Variants in HNF4G observed in about 807,000 individuals in gnomAD.
HNF4G encodes hepatocyte nuclear factor 4 gamma.
In HNF4G, 21 loss-of-function variants were observed where a neutral mutation model predicts 50.9. That is an observed-to-expected ratio of 0.41 (90% CI 0.29 to 0.59). The LOEUF (loss-of-function observed/expected upper bound fraction) is 0.59, where lower values mean the gene tolerates loss of function less well. HNF4G is among the 20% of genes least tolerant of loss of function. The probability of loss-of-function intolerance (pLI) is 0.26; values close to 1 mark genes in which losing one functional copy is unlikely to be tolerated. For synonymous variants in HNF4G, 198 were observed against 185.6 expected, an observed-to-expected ratio of 1.07 and a Z score of -0.54; for missense variants, 527 against 559.4, an observed-to-expected ratio of 0.94 and a Z score of 0.58.
intron 1 of HNF4G, among the ~76,000 whole-genome samples, chr8:75,462,772 C>T (rs1219925693): frequency 2.6e-5 from 4 of 152,050 alleles, no homozygotes; most frequent in Non-Finnish European, 5.9e-5. Context: ...TGTATAACAT[C>T]AGATAAATAT....
At chr8:75,539,273 G>A (rs1806546710), upstream of HNF4G, among the ~76,000 whole-genome samples, 1 of 152,116 alleles carries the variant, frequency 6.6e-6, no homozygotes, top group South Asian at 2.1e-4. Flanking sequence ...CTGCCCTTGG[G>A]AAGTTTATTA....
At chr8:75,544,196 TA>T (rs948015719) in intron 2 of HNF4G, among the ~76,000 whole-genome samples, 5 of 152,296 alleles carry the variant, frequency 3.3e-5, no homozygotes, top group African/African-American at 1.2e-4. Context: ...AGAAGGTATA[TA>T]AAAAATCCAC....
At chr8:75,505,687 C>CAAA (rs5892495) in intron 2 of HNF4G, among the ~76,000 whole-genome samples, 50 of 146,182 alleles carry the variant, frequency 3.4e-4, no homozygotes, top group East Asian at 4.0e-4. Context: ...GCAAGATTTC[C>CAAA]AAAAAAAAAA....
intron 2 of HNF4G, among the ~76,000 whole-genome samples, chr8:75,529,939 G>A (rs1341142365): frequency 6.6e-6 from 1 of 152,066 alleles, no homozygotes; most frequent in Non-Finnish European, 1.5e-5. Context: ...CTCAAGAAGA[G>A]GAGCTACCAA....
At chr8:75,412,596 A>T (rs997106440) in intron 1 of HNF4G, among the ~76,000 whole-genome samples, 4 of 152,216 alleles carry the variant, frequency 2.6e-5, no homozygotes, top group African/African-American at 9.7e-5. Context: ...AAAGTATGAT[A>T]ACACCTGGAT....
intron 1 of HNF4G, among the ~76,000 whole-genome samples, chr8:75,461,308 T>G (rs1811834719): frequency 6.6e-6 from 1 of 152,150 alleles, no homozygotes; most frequent in Non-Finnish European, 1.5e-5. Flanking sequence ...TCTTCCTCCA[T>G]TTTTTGGCTC....
chr8:75,497,943 A>G (rs1354889454), intron 2 of HNF4G, among the ~76,000 whole-genome samples: 1 of 152,182 alleles, frequency 6.6e-6, no homozygotes, highest in Admixed American at 6.5e-5. Context: ...ATATTAATAG[A>G]GACCCTACTG....
chr8:75,512,027 A>G (rs953104530), intron 2 of HNF4G, among the ~76,000 whole-genome samples: 5 of 152,174 alleles, frequency 3.3e-5, no homozygotes, highest in Non-Finnish European at 7.4e-5. Flanking sequence ...AATACAATAG[A>G]TAATTATTTT....
At chr8:75,528,628 A>G (rs892249955) in intron 2 of HNF4G, among the ~76,000 whole-genome samples, 1 of 152,188 alleles carries the variant, frequency 6.6e-6, no homozygotes, top group Non-Finnish European at 1.5e-5. Context: ...TTGTTTTAAA[A>G]TGGTTCAATG....
intron 1 of HNF4G, among the ~76,000 whole-genome samples, chr8:75,445,960 A>T (rs201288907): frequency 2.0e-4 from 2 of 10,036 alleles, no homozygotes; most frequent in Non-Finnish European, 3.6e-4. Context: ...TACCAAAGCC[A>T]GGCAGAGACA....
At chr8:75,411,804 T>C (rs902859407) in intron 1 of HNF4G, among the ~76,000 whole-genome samples, 1 of 152,172 alleles carries the variant, frequency 6.6e-6, no homozygotes, top group Non-Finnish European at 1.5e-5. Flanking sequence ...GAGGGGTGCT[T>C]GGGCAACCTA....
intron 1 of HNF4G, among the ~76,000 whole-genome samples, chr8:75,462,113 C>T (rs1811867482): frequency 6.6e-6 from 1 of 151,960 alleles, no homozygotes; most frequent in Middle Eastern, 3.4e-3. Context: ...GATGGGGTTT[C>T]TCCATGTTGG....
At chr8:75,479,166 T>G (rs771254993) in intron 1 of HNF4G, among the ~76,000 whole-genome samples, 20 of 152,208 alleles carry the variant, frequency 1.3e-4, no homozygotes, top group Non-Finnish European at 1.6e-4. Context: ...TATTAAGAGA[T>G]AGATTGGCCT....
Position 75,559,178 on chromosome 8 carries a change from A to G in HNF4G, c.1123+141A>G, listed in dbSNP as rs1267077843. On this transcript the variant is annotated intron_variant, in intron 8 of 9. Coordinates refer to ENST00000396423, the MANE Select transcript of HNF4G (RefSeq NM_004133.5). Reference sequence around the variant, plus strand: ...TGAATTTTTTTCCTTCTGCTATGACATAATGAACTCAAGGTTTTACATTTA... The same window carrying G: ...TGAATTTTTTTCCTTCTGCTATGACGTAATGAACTCAAGGTTTTACATTTA... 11 of 653,542 alleles carry G rather than the reference A, an allele frequency of 1.7e-5. No individual in the cohort carries two copies. The Admixed American group carries it at 2.8e-4, about 17-fold the overall frequency. 40.5% of individuals were successfully genotyped at this position (653,542 alleles called of 1,614,324 possible).
intron 2 of HNF4G, chr8:75,495,344 A>G (rs1440165709): frequency 6.6e-6 from 1 of 152,024 alleles, no homozygotes. Context: ...GATGTTAAGG[A>G]TGGGAAGTTA....
intron 1 of HNF4G, among the ~76,000 whole-genome samples, chr8:75,449,580 C>T (rs1278958469): frequency 6.7e-6 from 1 of 149,340 alleles, no homozygotes; most frequent in East Asian, 2.0e-4. Context: ...GATCTCGGCT[C>T]ACTGCAAGCT....
At chr8:75,478,160 A>G (rs1175224791) in intron 1 of HNF4G, among the ~76,000 whole-genome samples, 1 of 151,498 alleles carries the variant, frequency 6.6e-6, no homozygotes, top group African/African-American at 2.4e-5. Flanking sequence ...AAAAATTGAA[A>G]AAATTAACCA....
chr8:75,514,308 CTTTCT>C (rs1370929618), intron 2 of HNF4G, among the ~76,000 whole-genome samples: 34 of 146,572 alleles, frequency 2.3e-4, no homozygotes, highest in African/African-American at 5.5e-4. Flanking sequence ...CATCTTTTTG[CTTTCT>C]TTTCTTTTTC....
chr8:75,475,103 G>A (rs1490710234), intron 1 of HNF4G, among the ~76,000 whole-genome samples: 7 of 151,696 alleles, frequency 4.6e-5, no homozygotes, highest in Non-Finnish European at 7.4e-5. Context: ...TCTGCCTCCC[G>A]GGTTCAAGCG....
Sources: gnomAD v4.1 joint callset for allele counts (sites outside exome capture counted in the v4.1 genomes callset) on GRCh38, gnomAD v4.1.1 for gene constraint, MANE v1.5 for transcripts, NCBI Gene and HGNC (gene_info 2026-07-23, HGNC 2026-07-21) for gene names.